FAM186B: variants seen among roughly 807,000 people sequenced by gnomAD.
The protein encoded by FAM186B is family with sequence similarity 186 member B, also known as protein FAM186B.
In FAM186B, 68 loss-of-function variants were observed where a neutral mutation model predicts 83.4. The observed-to-expected ratio is 0.81, with a 90% confidence interval of 0.67 to 1.00. The LOEUF (loss-of-function observed/expected upper bound fraction) is 1.00. Among genes scored for constraint, FAM186B ranks in the 50% least tolerant of loss-of-function variants. The probability of loss-of-function intolerance (pLI) is 0.00; values close to 1 mark genes in which losing one functional copy is unlikely to be tolerated. For synonymous variants in FAM186B, 389 were observed against 422.0 expected (o/e 0.92, Z 0.96); for missense variants, 983 against 1,099.2 (o/e 0.89, Z 1.49).
At chr12:49,598,144 G>A (rs1939770424) in intron 5 of FAM186B, among the ~76,000 whole-genome samples, 1 of 152,224 alleles carries the variant, frequency 6.6e-6, no homozygotes, top group Non-Finnish European at 1.5e-5. Flanking sequence ...AATTAAGAGT[G>A]AGGATAGATA....
the FAM186B span, among the ~76,000 whole-genome samples, chr12:49,620,990 G>T: frequency 6.6e-6 from 1 of 152,060 alleles, no homozygotes; most frequent in Non-Finnish European, 1.5e-5. Context: ...ATTCCATGGT[G>T]ATAACATGGT....
At chr12:49,595,375 G>A in intron 5 of FAM186B, 1 of 553,012 alleles carries the variant, frequency 1.8e-6, no homozygotes, top group Non-Finnish European at 3.6e-6. Context: ...ACCTGAGTCT[G>A]CTTCTGTGAA....
chr12:49,594,917 C>T (rs1480413265), intron 5 of FAM186B, among the ~76,000 whole-genome samples: 1 of 151,352 alleles, frequency 6.6e-6, no homozygotes, highest in East Asian at 1.9e-4. Flanking sequence ...AGATAATATC[C>T]ACGAAATACA....
At chr12:49,605,666 CA>C, upstream of FAM186B, 1 of 529,836 alleles carries the variant, frequency 1.9e-6, no homozygotes, top group Non-Finnish European at 3.3e-6. Flanking sequence ...GTGACATCAT[CA>C]GTTTGATTAG....
At position 49,598,960 on chromosome 12, in the gene FAM186B, G is replaced by A. The variant is rs1939798303; in HGVS notation, c.2172-13C>T. The A allele has an allele frequency of 6.2e-7, 1 of 1,612,900 alleles. No individual in the cohort carries two copies. Among genetic ancestry groups the A allele is most frequent in the African/African-American group, 1.3e-5 (1 of 74,804 alleles). On this transcript the variant is annotated splice_polypyrimidine_tract_variant and intron_variant, in intron 4 of 6. Transcript: ENST00000257894. The stretch of plus-strand genomic sequence containing the variant: ...GATCGCTTCTTGCCTGGGAAAAGAG[G>A]AGAAGCAATTTAGGGGGTGGAGAGG...
chr12:49,600,735 C>T lies in FAM186B; in HGVS notation c.905G>A (p.Gly302Glu), dbSNP rs1445087206. 2.5e-6 allele frequency: 4 copies of T among 1,614,166 alleles called. No homozygotes were observed. The highest frequency in any genetic ancestry group is 3.4e-6 in the Non-Finnish European group (4 of 1,180,008). Residue 302 changes from glycine (G) to glutamate (E), a missense_variant, in exon 4 of 7, where the codon GGA (glycine) becomes GAA (glutamate). By Grantham distance (98) the Gly-to-Glu change is moderately conservative. Coordinates refer to ENST00000257894, the MANE Select transcript of FAM186B (RefSeq NM_032130.3). The surrounding 1 kb of genome is among the most constrained non-coding windows in gnomAD (Gnocchi z 4.3). ...ALLKQVEILG[G>E]RYHDLLLMKQ... The stretch of plus-strand genomic sequence containing the variant: ...CATCAGGAGAAGGTCATGGTACCTT[C>T]CCCCTAAGATCTCTACCTGCTTCAG...
At chr12:49,587,368 G>T, downstream of FAM186B, 1 of 557,246 alleles carries the variant, frequency 1.8e-6, no homozygotes, top group Non-Finnish European at 3.2e-6. Flanking sequence ...AAGCCCCCTG[G>T]TGGCCTCTGA....
chr12:49,600,624 G>C lies in FAM186B; in HGVS notation c.1016C>G (p.Pro339Arg). ...GAGGGTCTCTCTCTCAGAGGGACCT[G>C]GGGAGTCAACAGAAACCTCAGCCAG... is the stretch of plus-strand genomic sequence containing the variant. ...EDLAEVSVDS[P>R]GPSERETLPR... Residue 339 changes from proline to arginine, a missense_variant, in exon 4 of 7, where the codon CCA becomes CGA. Transcript: ENST00000257894. The surrounding 1 kb of genome is among the most constrained non-coding windows in gnomAD (Gnocchi z 4.3). 6.2e-7 allele frequency: 1 copy of C among 1,613,256 alleles called. No individual in the cohort carries two copies. The highest frequency in any genetic ancestry group is 8.5e-7 in the Non-Finnish European group (1 of 1,179,540).
At chr12:49,588,341 G>T in intron 6 of FAM186B, 113 bp downstream of exon 6, 1 of 1,306,610 alleles carries the variant, frequency 7.7e-7, no homozygotes, top group Non-Finnish European at 1.0e-6. Context: ...CTCGTAGGGT[G>T]ATATTGGCCT....
At chr12:49,586,967 G>T (rs1380032822), downstream of FAM186B, among the ~76,000 whole-genome samples, 1 of 152,188 alleles carries the variant, frequency 6.6e-6, no homozygotes, top group Non-Finnish European at 1.5e-5. Flanking sequence ...CCCCATTGGG[G>T]ATCTGTAACT....
intron 4 of FAM186B, 97 bp from the exon 5 acceptor site, chr12:49,599,044 G>A: frequency 7.9e-7 from 1 of 1,273,064 alleles, no homozygotes. Flanking sequence ...TAATTCCTTA[G>A]AGCAAAAAGA....
At position 49,599,455 on chromosome 12, in the gene FAM186B, C is replaced by G. The variant is rs1044341888; in HGVS notation, c.2171+14G>C. On this transcript the variant is annotated intron_variant, in intron 4 of 6. Transcript: ENST00000257894. ...CAGCAGGTGGGTGCCAGGTGGGTTC[C>G]AGGGAGGACCTACCGGAGGCTCTGG... 6.6e-7 allele frequency: 1 copy of G among 1,518,836 alleles called. No individual in the cohort carries two copies. Among genetic ancestry groups the G allele is most frequent in the African/African-American group, 1.4e-5 (1 of 71,754 alleles). 94.1% of individuals were successfully genotyped at this position (1,518,836 alleles called of 1,614,324 possible).
upstream of FAM186B, among the ~76,000 whole-genome samples, chr12:49,606,585 A>G (rs532598720): frequency 2.6e-5 from 4 of 152,288 alleles, no homozygotes; most frequent in African/African-American, 7.2e-5. Context: ...TAAGGAGAAC[A>G]TAATTCTAAA....
intron 5 of FAM186B, among the ~76,000 whole-genome samples, chr12:49,593,695 C>T (rs533557533): frequency 3.3e-5 from 5 of 150,988 alleles, no homozygotes; most frequent in African/African-American, 1.2e-4. Context: ...AATTTTGGGC[C>T]AGGTAAGGTG....
intron 3 of FAM186B, 86 bp from the exon 4 acceptor site, chr12:49,601,220 T>C: frequency 6.7e-7 from 1 of 1,483,298 alleles, no homozygotes; most frequent in South Asian, 1.4e-5. Context: ...AGGGCCAAAA[T>C]GGCAACCCCC....
intron 3 of FAM186B, among the ~76,000 whole-genome samples, chr12:49,602,660 T>C (rs1939919684): frequency 6.6e-6 from 1 of 152,234 alleles, no homozygotes; most frequent in African/African-American, 2.4e-5. Context: ...CAGCCTTTCC[T>C]TGTGCTCCCT....
At chr12:49,593,183 C>G (rs776635695) in intron 5 of FAM186B, 4 of 152,178 alleles carry the variant, frequency 2.6e-5, no homozygotes. Context: ...GCAAGGATGA[C>G]ACACAAATTC....
downstream of FAM186B, among the ~76,000 whole-genome samples, chr12:49,587,248 C>T (rs191511596): frequency 6.6e-6 from 1 of 152,222 alleles, no homozygotes; most frequent in Non-Finnish European, 1.5e-5. Flanking sequence ...CCAAGGGCTC[C>T]CTCATCTCTC....
At chr12:49,584,296 T>A (rs1267542618), downstream of FAM186B, 3 of 558,996 alleles carry the variant, frequency 5.4e-6, no homozygotes, top group African/African-American at 5.6e-5. Flanking sequence ...TAAACCAACC[T>A]CTATTTTATT....
Sources: gnomAD v4.1 joint callset for allele counts (sites outside exome capture counted in the v4.1 genomes callset) on GRCh38, gnomAD v4.1.1 for gene constraint, Gnocchi (gnomAD v3.1) non-coding constraint, MANE v1.5 for transcripts, NCBI Gene and HGNC (gene_info 2026-07-23, HGNC 2026-07-21) for gene names.